The following ATXN1 variants were observed in gnomAD, a reference collection of about 807,000 sequenced individuals.
ATXN1 encodes the protein ataxin-1.
In ATXN1, 8 loss-of-function variants were observed where a neutral mutation model predicts 56.4. That is an observed-to-expected ratio of 0.14 (90% confidence interval 0.08 to 0.26). The LOEUF is 0.26. ATXN1 is among the 10% of genes least tolerant of loss of function. The probability of loss-of-function intolerance (pLI) is 1.00; values close to 1 mark genes in which losing one functional copy is unlikely to be tolerated. For missense variants in ATXN1, 987 were observed against 1,106.5 expected, an observed-to-expected ratio of 0.89 and a Z score of 1.53; for synonymous variants, 514 against 494.6, an observed-to-expected ratio of 1.04 and a Z score of -0.52.
chr6:16,723,420 A>G (rs1277725291), intron 2 of ATXN1, among the ~76,000 whole-genome samples: 1 of 152,194 alleles, frequency 6.6e-6, no homozygotes, highest in Non-Finnish European at 1.5e-5. Flanking sequence ...TAAATCAACT[A>G]TAAAAACTAA....
At chr6:16,742,992 C>G (rs1760394213) in intron 2 of ATXN1, among the ~76,000 whole-genome samples, 1 of 152,264 alleles carries the variant, frequency 6.6e-6, no homozygotes, top group Non-Finnish European at 1.5e-5. Context: ...ACCACGAGAG[C>G]ACTTAAAGGA....
At chr6:16,402,757 G>A (rs1758604332) in intron 6 of ATXN1, among the ~76,000 whole-genome samples, 1 of 152,160 alleles carries the variant, frequency 6.6e-6, no homozygotes, top group Admixed American at 6.5e-5. Flanking sequence ...ACCAACTCCC[G>A]CTGTGCCCAG....
intron 6 of ATXN1, among the ~76,000 whole-genome samples, chr6:16,357,978 G>A (rs1290350073): frequency 6.6e-6 from 1 of 152,190 alleles, no homozygotes; most frequent in Non-Finnish European, 1.5e-5. Context: ...ACCAAGAGTA[G>A]GTAAGGGAAC....
At chr6:16,537,831 G>A (rs978457650) in intron 4 of ATXN1, among the ~76,000 whole-genome samples, 1 of 152,052 alleles carries the variant, frequency 6.6e-6, no homozygotes, top group African/African-American at 2.4e-5. Flanking sequence ...GGCCAGGTGC[G>A]GTGGCTCACA....
chr6:16,335,376 G>A (rs1315046414), intron 6 of ATXN1, among the ~76,000 whole-genome samples: 1 of 152,210 alleles, frequency 6.6e-6, no homozygotes, highest in Non-Finnish European at 1.5e-5. Context: ...TGTAGAAGAT[G>A]CTGTCTGAGA....
At chr6:16,579,361 A>G (rs1168445019) in intron 4 of ATXN1, among the ~76,000 whole-genome samples, 1 of 151,988 alleles carries the variant, frequency 6.6e-6, no homozygotes, top group Non-Finnish European at 1.5e-5. Context: ...AAAGTCTTAA[A>G]GCATCAAGGT....
chr6:16,347,039 G>A (rs1761421530), intron 6 of ATXN1, among the ~76,000 whole-genome samples: 1 of 152,262 alleles, frequency 6.6e-6, no homozygotes, highest in Admixed American at 6.5e-5. Flanking sequence ...AGCAGCCGCT[G>A]TGCTCAATTT....
At chr6:16,677,379 T>C (rs1758710003) in intron 2 of ATXN1, among the ~76,000 whole-genome samples, 1 of 152,160 alleles carries the variant, frequency 6.6e-6, no homozygotes. Context: ...AGCCTAGCCA[T>C]GTTATTTTTA....
intron 5 of ATXN1, among the ~76,000 whole-genome samples, chr6:16,507,906 C>T (rs1314853417): frequency 6.6e-6 from 1 of 152,198 alleles, no homozygotes; most frequent in African/African-American, 2.4e-5. Flanking sequence ...AAAAGCAACA[C>T]AGTAAGTGGT....
chr6:16,458,522 G>A (rs1003633839), intron 6 of ATXN1, among the ~76,000 whole-genome samples: 1 of 152,138 alleles, frequency 6.6e-6, no homozygotes, highest in Non-Finnish European at 1.5e-5. Flanking sequence ...ACAAAATCTG[G>A]AGGCATTATT....
At chr6:16,449,799 T>A (rs1462559830) in intron 6 of ATXN1, among the ~76,000 whole-genome samples, 2 of 152,214 alleles carry the variant, frequency 1.3e-5, no homozygotes, top group Non-Finnish European at 2.9e-5. Context: ...CATTATTATT[T>A]GCAACTCCTT....
At chr6:16,668,273 C>T (rs1208767039) in intron 2 of ATXN1, among the ~76,000 whole-genome samples, 2 of 151,690 alleles carry the variant, frequency 1.3e-5, no homozygotes, top group African/African-American at 4.9e-5. Context: ...ACACATGTGC[C>T]ATGTTGGTGT....
intron 2 of ATXN1, among the ~76,000 whole-genome samples, chr6:16,703,579 G>A (rs1227058190): frequency 2.0e-5 from 3 of 152,120 alleles, no homozygotes; most frequent in African/African-American, 7.2e-5. Flanking sequence ...AAAAGACTTG[G>A]AGACTAACAT....
intron 7 of ATXN1, among the ~76,000 whole-genome samples, chr6:16,308,523 A>G (rs1261564216): frequency 6.6e-6 from 1 of 152,122 alleles, no homozygotes; most frequent in Non-Finnish European, 1.5e-5. Context: ...GGAACAGGTA[A>G]TGGAGTTCAG....
chr6:16,320,696 C>T (rs1202552744), intron 7 of ATXN1, among the ~76,000 whole-genome samples: 4 of 152,242 alleles, frequency 2.6e-5, no homozygotes, highest in African/African-American at 9.6e-5. Flanking sequence ...CCTGGGAGCC[C>T]TTGTTTCTGC....
At chr6:16,607,281 G>A (rs891987035) in intron 3 of ATXN1, among the ~76,000 whole-genome samples, 4 of 152,186 alleles carry the variant, frequency 2.6e-5, no homozygotes, top group Non-Finnish European at 4.4e-5. Flanking sequence ...GAAGTGAAAG[G>A]GTTGGCGTAA....
At chr6:16,383,722 A>G (rs1016416389) in intron 6 of ATXN1, among the ~76,000 whole-genome samples, 1 of 152,224 alleles carries the variant, frequency 6.6e-6, no homozygotes, top group African/African-American at 2.4e-5. Context: ...GGGATGATGG[A>G]ATGGAGGAAC....
At chr6:16,583,306 C>T (rs866418151) in intron 4 of ATXN1, among the ~76,000 whole-genome samples, 1 of 152,226 alleles carries the variant, frequency 6.6e-6, no homozygotes, top group Non-Finnish European at 1.5e-5. Context: ...AAGCCGTACA[C>T]GTCGTTCTGT....
chr6:16,574,997 T>C (rs1357466137), intron 4 of ATXN1, among the ~76,000 whole-genome samples: 1 of 115,588 alleles, frequency 8.7e-6, no homozygotes, highest in African/African-American at 7.3e-5. Context: ...GAGTTTGCTA[T>C]TTTTTTCTTG....
Sources: gnomAD v4.1 joint callset for allele counts (sites outside exome capture counted in the v4.1 genomes callset) on GRCh38, gnomAD v4.1.1 for gene constraint, MANE v1.5 for transcripts, NCBI Gene and HGNC (gene_info 2026-07-23, HGNC 2026-07-21) for gene names.